The following ACOT11 variants were observed in gnomAD, a reference collection of about 807,000 sequenced individuals.
ACOT11 encodes acyl-CoA thioesterase 11, also known as acyl-coenzyme A thioesterase 11.
A neutral mutation model predicts 77.5 loss-of-function variants in ACOT11; 69 were observed. The observed-to-expected ratio is 0.89, with a 90% CI of 0.73 to 1.09. The LOEUF is 1.09. Among genes scored for constraint, ACOT11 ranks in the 50% least tolerant of loss-of-function variants. ACOT11 has a pLI of 0.00. For synonymous variants in ACOT11, 279 were observed against 313.0 expected (o/e 0.89, Z 1.15); for missense variants, 766 against 813.7 (o/e 0.94, Z 0.71).
intron 4 of ACOT11, among the ~76,000 whole-genome samples, chr1:54,593,048 T>C (rs1654768049): frequency 1.3e-5 from 2 of 152,162 alleles, no homozygotes; most frequent in Non-Finnish European, 2.9e-5. Flanking sequence ...AAAGGGAACA[T>C]GATTCCTCTG....
At chr1:54,568,350 C>T (rs1372699610) in intron 1 of ACOT11, among the ~76,000 whole-genome samples, 1 of 146,608 alleles carries the variant, frequency 6.8e-6, no homozygotes, top group Non-Finnish European at 1.5e-5. Context: ...TTAAGGTTTT[C>T]CCAGCACCTT....
intron 9 of ACOT11, among the ~76,000 whole-genome samples, chr1:54,601,860 G>T (rs116752923): frequency 0.011 from 1,666 of 152,368 alleles, 24 homozygotes; most frequent in Non-Finnish European, 0.017. Context: ...CTGCGCCCTG[G>T]GAGCGGTCAG....
chr1:54,610,420 G>C, downstream of ACOT11: 1 of 1,613,308 alleles, frequency 6.2e-7, no homozygotes, highest in Non-Finnish European at 8.5e-7. Context: ...ACCTGGGAGG[G>C]TCATTGTTGC....
At chr1:54,582,031 C>T (rs1278737860) in intron 1 of ACOT11, among the ~76,000 whole-genome samples, 1 of 152,236 alleles carries the variant, frequency 6.6e-6, no homozygotes, top group Non-Finnish European at 1.5e-5. Flanking sequence ...CTGCGCCCCT[C>T]TCTTTGAGGG....
At chr1:54,563,083 G>A (rs915002009) in intron 1 of ACOT11, among the ~76,000 whole-genome samples, 1 of 151,878 alleles carries the variant, frequency 6.6e-6, no homozygotes, top group South Asian at 2.1e-4. Context: ...GGGCCCTGCG[G>A]GGCCCGTCCG....
intron 2 of ACOT11, among the ~76,000 whole-genome samples, chr1:54,585,309 T>G (rs556182109): frequency 1.3e-5 from 2 of 152,224 alleles, no homozygotes; most frequent in Admixed American, 6.5e-5. Flanking sequence ...GATAGACAGG[T>G]GACCCGACTG....
intron 9 of ACOT11, among the ~76,000 whole-genome samples, chr1:54,602,210 C>T (rs574548390): frequency 9.2e-5 from 14 of 152,296 alleles, no homozygotes; most frequent in African/African-American, 3.4e-4. Context: ...CGGCCCTTAC[C>T]CCTGTGGCCT....
chr1:54,614,529 AG>A (rs926038000), downstream of ACOT11, among the ~76,000 whole-genome samples: 17 of 152,258 alleles, frequency 1.1e-4, no homozygotes, highest in African/African-American at 4.1e-4. Flanking sequence ...TTGTCAGAAA[AG>A]GGGGGAAAGG....
intron 1 of ACOT11, among the ~76,000 whole-genome samples, chr1:54,558,680 G>A (rs1485892818): frequency 6.6e-6 from 1 of 152,160 alleles, no homozygotes; most frequent in Non-Finnish European, 1.5e-5. Flanking sequence ...GCTGAATAGG[G>A]GCCCAGCAGC....
intron 1 of ACOT11, among the ~76,000 whole-genome samples, chr1:54,553,251 C>T (rs1653135220): frequency 6.6e-6 from 1 of 151,500 alleles, no homozygotes; most frequent in Non-Finnish European, 1.5e-5. Context: ...CATGGTGGCT[C>T]ATACCTATAA....
chr1:54,563,750 C>G (rs1342671677), intron 1 of ACOT11, among the ~76,000 whole-genome samples: 1 of 151,500 alleles, frequency 6.6e-6, no homozygotes, highest in Non-Finnish European at 1.5e-5. Context: ...CAGACCTCAT[C>G]TTACTAAAAA....
intron 6 of ACOT11, 139 bp from the exon 7 acceptor site, chr1:54,597,120 A>G: frequency 9.3e-7 from 1 of 1,073,360 alleles, no homozygotes; most frequent in Non-Finnish European, 1.4e-6. Context: ...CCTCTGCCTC[A>G]TGTGCACTCT....
chr1:54,612,549 A>T (rs754306397), downstream of ACOT11: 29 of 1,614,082 alleles, frequency 1.8e-5, no homozygotes, highest in Non-Finnish European at 2.5e-5. Flanking sequence ...GGAAGACCGT[A>T]CAGGGAAGGT....
chr1:54,627,438 C>T (rs1482945299), intron 15 of ACOT11, among the ~76,000 whole-genome samples: 1 of 134,960 alleles, frequency 7.4e-6, no homozygotes, highest in East Asian at 2.3e-4. Flanking sequence ...AAGACTCCTC[C>T]ATTGTCTGTG....
At chr1:54,567,064 T>C (rs522694) in intron 1 of ACOT11, among the ~76,000 whole-genome samples, 15,672 of 152,096 alleles carry the variant, frequency 0.1, 901 homozygotes, top group East Asian at 0.17. Context: ...TAAATACCCA[T>C]ATATGTTAGT....
intron 1 of ACOT11, among the ~76,000 whole-genome samples, chr1:54,563,104 C>T (rs1025978850): frequency 1.3e-5 from 2 of 152,014 alleles, no homozygotes; most frequent in Admixed American, 6.5e-5. Context: ...CTCCTCCAGC[C>T]GCTGCCTCCC....
chr1:54,599,862 A>G (rs1306396901), intron 8 of ACOT11, among the ~76,000 whole-genome samples: 1 of 152,246 alleles, frequency 6.6e-6, no homozygotes, highest in Admixed American at 6.5e-5. Context: ...ACCTACTCCC[A>G]TGAAAGCTGA....
At position 54,610,092 on chromosome 1, in the gene ACOT11, T is replaced by TG; in HGVS notation, c.*983dup. 1 of 1,434,904 alleles carries TG rather than the reference T, an allele frequency of 7.0e-7. No homozygotes were observed. Among genetic ancestry groups the TG allele is most frequent in the Non-Finnish European group, 9.1e-7 (1 of 1,099,728 alleles). The allele number at this position is 1,434,904 out of a possible 1,614,324, so 88.9% of individuals were successfully genotyped here. On this transcript the variant is annotated 3_prime_UTR_variant, in exon 16 of 16. Coordinates refer to ENST00000343744, the MANE Select transcript of ACOT11 (RefSeq NM_147161.4). ...AACCCAGTTTTGGGCTCCAGGTGGA[T>TG]GGGTTGCTTTATAAATGTGCCTGGT...
chr1:54,602,951 A>G (rs564603368), intron 10 of ACOT11, among the ~76,000 whole-genome samples: 1 of 152,330 alleles, frequency 6.6e-6, no homozygotes, highest in South Asian at 2.1e-4. Context: ...ACACACAAAT[A>G]TCATCAGCAG....
Sources: gnomAD v4.1 joint callset for allele counts (sites outside exome capture counted in the v4.1 genomes callset) on GRCh38, gnomAD v4.1.1 for gene constraint, MANE v1.5 for transcripts, NCBI Gene and HGNC (gene_info 2026-07-23, HGNC 2026-07-21) for gene names.